Variants in GALNS observed in about 807,000 individuals in gnomAD.
GALNS encodes N-acetylgalactosamine-6-sulfatase.
GALNS carries 65 observed loss-of-function variants against 65.9 expected under a neutral mutation model. The ratio of observed to expected loss-of-function variants is 0.99; its 90% confidence interval spans 0.81 to 1.21. The LOEUF is 1.21. Among genes scored for constraint, GALNS ranks in the 50% most tolerant of loss-of-function variants. The pLI is 0.00. For synonymous variants in GALNS, 346 were observed against 288.9 expected, an observed-to-expected ratio of 1.20 and a Z score of -2.00; for missense variants, 776 against 700.7, an observed-to-expected ratio of 1.11 and a Z score of -1.21.
Position 88,816,313 on chromosome 16 carries a change from C to T in GALNS, c.1482+1694G>A, listed in dbSNP as rs887109051. ...GGTCGTAGAGAAGGACCCAGCAGCACGGAGTGGGATTGGGTGTGGAAGGCA... is the reference window on the plus strand; with the variant it reads ...GGTCGTAGAGAAGGACCCAGCAGCATGGAGTGGGATTGGGTGTGGAAGGCA... On this transcript the variant is annotated intron_variant, in intron 13 of 13. Transcript: ENST00000268695. 34 of 985,386 alleles carry T rather than the reference C, an allele frequency of 3.5e-5. No homozygotes were observed. In the South Asian group the frequency reaches 6.6e-4, roughly 19 times the overall value. 61.0% of individuals were successfully genotyped at this position (985,386 alleles called of 1,614,324 possible). A position where few individuals can be genotyped will look rare whatever the true frequency, so the allele number is the denominator to read the frequency against.
At chr16:88,850,632 C>G (rs59771877) in intron 1 of GALNS, among the ~76,000 whole-genome samples, 1 of 152,224 alleles carries the variant, frequency 6.6e-6, no homozygotes, top group Admixed American at 6.5e-5. Context: ...TGACTTACAA[C>G]GGGGAGGGCA....
At chr16:88,841,754 C>G in intron 3 of GALNS, 143 bp downstream of exon 3, 1 of 760,466 alleles carries the variant, frequency 1.3e-6, no homozygotes, top group Non-Finnish European at 2.3e-6. Context: ...GCCTGCACTT[C>G]CACCTAAGTC....
intron 13 of GALNS, chr16:88,816,828 G>A (rs990940077): frequency 1.4e-5 from 14 of 985,468 alleles, no homozygotes; most frequent in Non-Finnish European, 1.7e-5. Flanking sequence ...AGGAGCCCAG[G>A]CTGAAGTCTG....
In GALNS at chr16:88,814,035, A is replaced by G. The variant is rs1185852789; in HGVS notation, c.*404T>C. 2 of 341,166 alleles carry G rather than the reference A, an allele frequency of 5.9e-6. No individual in the cohort carries two copies. The highest frequency in any genetic ancestry group is 1.1e-5 in the Non-Finnish European group (2 of 174,538). The allele number at this position is 341,166 out of a possible 1,614,324, so 21.1% of individuals were successfully genotyped here. On this transcript the variant is annotated 3_prime_UTR_variant, in exon 14 of 14. Coordinates refer to ENST00000268695, the MANE Select transcript of GALNS (RefSeq NM_000512.5). ...ACACATACTGATCTTGTGTCTCCCTAAGATGTATAAAGGCAAACTGTATCC... is the reference window on the plus strand; with the variant it reads ...ACACATACTGATCTTGTGTCTCCCTGAGATGTATAAAGGCAAACTGTATCC...
At chr16:88,852,878 C>A (rs577396566) in intron 1 of GALNS, among the ~76,000 whole-genome samples, 1 of 152,108 alleles carries the variant, frequency 6.6e-6, no homozygotes, top group South Asian at 2.1e-4. Context: ...TTGCTTGAGC[C>A]CAGTAGTTTG....
Position 88,822,727 on chromosome 16 carries a change from G to C in GALNS, c.1243-17C>G. On this transcript the variant is annotated splice_polypyrimidine_tract_variant and intron_variant, in intron 11 of 13. Transcript: ENST00000268695. ...ATCAATGCCCTGCAATGAGAAGAGG[G>C]AAGGTGTGTCCTGGAGCCCCTGACC... The C allele has an allele frequency of 6.2e-7, 1 of 1,610,962 alleles. No homozygotes were observed. The highest frequency in any genetic ancestry group is 8.5e-7 in the Non-Finnish European group (1 of 1,178,788).
In GALNS at chr16:88,848,358, C is replaced by T. The variant is rs536969266; in HGVS notation, c.121-5529G>A. Among the ~76,000 whole-genome samples the T allele has an allele frequency of 2.8e-4, 42 of 152,200 alleles. 1 individual carries two copies. In the South Asian group the frequency reaches 7.9e-3, roughly 29 times the overall value. ...CTATAAAAGAATGAAAGGCCGGGCG[C>T]GGTGGTTCACGCCTGTAATCCCAGC... On this transcript the variant is annotated intron_variant, in intron 1 of 13. Coordinates refer to ENST00000268695, the MANE Select transcript of GALNS (RefSeq NM_000512.5).
chr16:88,817,135 T>G (rs986013031), intron 13 of GALNS: 7 of 985,346 alleles, frequency 7.1e-6, no homozygotes, highest in Non-Finnish European at 8.4e-6. Flanking sequence ...TTGCGGCCAC[T>G]GCACACGCGG....
intron 5 of GALNS, 97 bp downstream of exon 5, chr16:88,837,525 A>T: frequency 7.8e-7 from 1 of 1,279,298 alleles, no homozygotes; most frequent in Non-Finnish European, 1.1e-6. Context: ...AGCCCTCATG[A>T]GTGGCGACTT....
At chr16:88,820,945 G>C (rs1202555335) in intron 12 of GALNS, among the ~76,000 whole-genome samples, 1 of 152,140 alleles carries the variant, frequency 6.6e-6, no homozygotes. Context: ...TTCCAGCTGG[G>C]GGGGCTGTTG....
chr16:88,833,841 C>CAT (rs1382587688), intron 8 of GALNS, among the ~76,000 whole-genome samples: 1 of 152,228 alleles, frequency 6.6e-6, no homozygotes, highest in Non-Finnish European at 1.5e-5. Context: ...CAAATAGGTA[C>CAT]ATATACCATT....
chr16:88,834,466 CCGT>C (rs1567529486), intron 8 of GALNS, among the ~76,000 whole-genome samples: 1 of 83,154 alleles, frequency 1.2e-5, no homozygotes, highest in Admixed American at 1.2e-4. Flanking sequence ...AGGGCCCCCC[CCGT>C]GTGGTCTGGG....
At chr16:88,825,284 G>A (rs1910736989) in intron 10 of GALNS, among the ~76,000 whole-genome samples, 1 of 133,226 alleles carries the variant, frequency 7.5e-6, no homozygotes, top group African/African-American at 3.6e-5. Context: ...TTGGGCAGCC[G>A]GGGCTGGGGT....
At chr16:88,852,512 A>T (rs1967550801) in intron 1 of GALNS, among the ~76,000 whole-genome samples, 1 of 152,274 alleles carries the variant, frequency 6.6e-6, no homozygotes, top group African/African-American at 2.4e-5. Flanking sequence ...CAGCAAGGGA[A>T]CAAAGCTGGA....
At chr16:88,842,050 A>G in intron 2 of GALNS, 79 bp from the exon 3 acceptor site, 1 of 1,274,632 alleles carries the variant, frequency 7.8e-7, no homozygotes, top group South Asian at 1.3e-5. Context: ...AGCCCCAACG[A>G]GTAGACAGAC....
intron 13 of GALNS, chr16:88,816,059 G>T (rs1032402231): frequency 3.0e-6 from 3 of 985,298 alleles, no homozygotes; most frequent in Admixed American, 6.1e-5. Context: ...CTCCCCCATG[G>T]CTCTGCTCAC....
At chr16:88,834,459 G>C (rs1345700516) in intron 8 of GALNS, among the ~76,000 whole-genome samples, 2 of 44,288 alleles carry the variant, frequency 4.5e-5, no homozygotes. Context: ...AGGCTGTAGG[G>C]CCCCCCCCGT....
intron 5 of GALNS, 137 bp from the exon 6 acceptor site, chr16:88,836,404 C>G: frequency 1.3e-6 from 1 of 765,250 alleles, no homozygotes; most frequent in Non-Finnish European, 2.2e-6. Flanking sequence ...GCCTGTAATC[C>G]CAGCATTTTG....
rs1267563234 is a variant in GALNS, at chr16:88,814,053, CT to C, written c.*385del. ...TCTCCCTAAGATGTATAAAGGCAAA[CT>C]GTATCCCCAGCCACCTCAGGCACCT... On this transcript the variant is annotated 3_prime_UTR_variant, in exon 14 of 14. Coordinates refer to ENST00000268695, the MANE Select transcript of GALNS (RefSeq NM_000512.5). The C allele has an allele frequency of 5.5e-6, 2 of 364,896 alleles. No homozygotes were observed. The highest frequency in any genetic ancestry group is 3.9e-5 in the Admixed American group (1 of 25,862). 22.6% of individuals were successfully genotyped at this position (364,896 alleles called of 1,614,324 possible). A position where few individuals can be genotyped will look rare whatever the true frequency, so the allele number is the denominator to read the frequency against.
Sources: allele counts gnomAD v4.1 joint callset (sites outside exome capture counted in the v4.1 genomes callset), GRCh38; gene constraint gnomAD v4.1.1; transcripts MANE v1.5; gene names NCBI Gene and HGNC (gene_info 2026-07-23, HGNC 2026-07-21).